The following PITPNM2 variants were observed in gnomAD, a reference collection of about 807,000 sequenced individuals.
PITPNM2 encodes the protein phosphatidylinositol transfer protein membrane associated 2.
A neutral mutation model predicts 132.2 loss-of-function variants in PITPNM2; 35 were observed. The ratio of observed to expected loss-of-function variants is 0.26; its 90% confidence interval spans 0.20 to 0.35. The LOEUF is 0.35. Ranked by LOEUF, PITPNM2 falls within the 10% of genes least tolerant of loss-of-function variation. The pLI is 1.00. For synonymous variants in PITPNM2, 738 were observed against 799.2 expected (o/e 0.92, Z 1.29); for missense variants, 1,332 against 1,912.0 (o/e 0.70, Z 5.66).
intron 1 of PITPNM2, among the ~76,000 whole-genome samples, chr12:123,143,449 G>A (rs1055132524): frequency 1.3e-5 from 2 of 152,160 alleles, no homozygotes; most frequent in African/African-American, 4.8e-5. Context: ...CTCTGCAGAG[G>A]AGAAACAGTA....
In PITPNM2 at chr12:123,037,062, C is replaced by T. The variant is rs150686157; in HGVS notation, c.-95-2377G>A. ...CCAGACTCAGCTCCGCCTAGGCCCA[C>T]ATGTCTATTCTCACACCTGGCTGGA... is the stretch of plus-strand genomic sequence containing the variant. On this transcript the variant is annotated intron_variant, in intron 2 of 25. Transcript: ENST00000320201. Among the ~76,000 whole-genome samples the T allele has an allele frequency of 4.7e-3, 717 of 152,352 alleles. 4 individuals carry two copies. Among genetic ancestry groups the T allele is most frequent in the South Asian group, 0.03 (147 of 4,830 alleles).
At chr12:122,990,070 T>C (rs1566230735) in intron 17 of PITPNM2, 122 bp from the exon 18 acceptor site, 1 of 824,632 alleles carries the variant, frequency 1.2e-6, no homozygotes, top group East Asian at 3.3e-5. Flanking sequence ...GCGAGCCCAT[T>C]GGCCCTCCTC....
chr12:122,985,622 G>C lies in PITPNM2; in HGVS notation c.*405C>G. 5.2e-6 allele frequency: 1 copy of C among 191,754 alleles called. No individual in the cohort carries two copies. Among genetic ancestry groups the C allele is most frequent in the Non-Finnish European group, 1.1e-5 (1 of 94,164 alleles). 11.9% of individuals were successfully genotyped at this position (191,754 alleles called of 1,614,324 possible). A position where few individuals can be genotyped will look rare whatever the true frequency, so the allele number is the denominator to read the frequency against. On this transcript the variant is annotated 3_prime_UTR_variant, in exon 26 of 26. Coordinates refer to ENST00000320201, the MANE Select transcript of PITPNM2 (RefSeq NM_020845.3). The stretch of plus-strand genomic sequence containing the variant: ...TTAACAAGATGCAGGCTGGACCCCT[G>C]TTGGAGCTGCTACCAAATGGGAGGG...
chr12:123,030,495 C>T (rs2040045733), intron 3 of PITPNM2, among the ~76,000 whole-genome samples: 3 of 152,126 alleles, frequency 2.0e-5, no homozygotes, highest in African/African-American at 7.2e-5. Context: ...AGCTCGAGAC[C>T]ATCCTGGCTA....
intron 5 of PITPNM2, among the ~76,000 whole-genome samples, chr12:123,011,943 G>A (rs911045806): frequency 6.6e-6 from 1 of 152,160 alleles, no homozygotes; most frequent in Non-Finnish European, 1.5e-5. Context: ...GTTGGGCCTG[G>A]AGCAGCTCCT....
In PITPNM2 at chr12:123,005,340, G is replaced by C. The variant is rs1194416406; in HGVS notation, c.852C>G (p.Pro284=). The C allele has an allele frequency of 6.2e-7, 1 of 1,614,114 alleles. No homozygotes were observed. Among genetic ancestry groups the C allele is most frequent in the Non-Finnish European group, 8.5e-7 (1 of 1,180,024 alleles). ...CCCCATTGCTGCTGCTGGGCTCCGG[G>C]GGCTCCCCAGAGGTCTGGTCCGAGA... ...EAVSDQTSGE[P]PEPSSSNGEP... Residue 284 remains proline, a synonymous_variant, in exon 7 of 26, where the codon CCC becomes CCG. Transcript: ENST00000320201. The surrounding 1 kb of genome is among the most constrained non-coding windows in gnomAD (Gnocchi z 6.2).
chr12:123,129,973 T>C (rs572459566), intron 1 of PITPNM2, among the ~76,000 whole-genome samples: 2 of 151,698 alleles, frequency 1.3e-5, no homozygotes, highest in South Asian at 2.1e-4. Context: ...GGTACGATCA[T>C]AGCTCACTGC....
rs925270419 is a variant in PITPNM2, at chr12:123,027,295, C to T, written c.78+7218G>A. ...AGGTGACCCTGTGCTATGTGTAGCT[C>T]TGAGTATCTGAGCACTGGAAGGCAG... On this transcript the variant is annotated intron_variant, in intron 3 of 25. Coordinates refer to ENST00000320201, the MANE Select transcript of PITPNM2 (RefSeq NM_020845.3). 2.6e-5 allele frequency among the ~76,000 whole-genome samples: 4 copies of T among 152,172 alleles called. No homozygotes were observed. In the South Asian group the frequency reaches 8.3e-4, roughly 32 times the overall value.
chr12:123,010,280 T>C (rs1433705998), intron 5 of PITPNM2, among the ~76,000 whole-genome samples: 2 of 152,148 alleles, frequency 1.3e-5, no homozygotes, highest in Non-Finnish European at 2.9e-5. Context: ...GGTGCATTCA[T>C]TCATTCAGAT....
intron 2 of PITPNM2, among the ~76,000 whole-genome samples, chr12:123,080,680 G>A (rs531955013): frequency 2.6e-5 from 4 of 152,312 alleles, no homozygotes; most frequent in African/African-American, 7.2e-5. Flanking sequence ...ACATGCATGT[G>A]CCAACCCCAC....
intron 2 of PITPNM2, among the ~76,000 whole-genome samples, chr12:123,035,719 G>A (rs928049936): frequency 1.3e-5 from 2 of 151,678 alleles, no homozygotes; most frequent in Non-Finnish European, 2.9e-5. Flanking sequence ...TCAGTTATCC[G>A]GAAAATGAAA....
At position 123,009,746 on chromosome 12, in the gene PITPNM2, G is replaced by T; in HGVS notation, c.643+104C>A. ...CTTCCCAGAACAAAACAGAAACGCAGACTCCCAGGCAGACATGCAAAGAGA... is the reference window on the plus strand; with the variant it reads ...CTTCCCAGAACAAAACAGAAACGCATACTCCCAGGCAGACATGCAAAGAGA... On this transcript the variant is annotated intron_variant, in intron 6 of 25. Coordinates refer to ENST00000320201, the MANE Select transcript of PITPNM2 (RefSeq NM_020845.3). This position sits in a 1 kb window ranked among gnomAD's most constrained non-coding sequence, Gnocchi z 4.8. 1 of 1,117,884 alleles carries T rather than the reference G, an allele frequency of 8.9e-7. No individual in the cohort carries two copies. Among genetic ancestry groups the T allele is most frequent in the Non-Finnish European group, 1.3e-6 (1 of 753,332 alleles). 69.2% of individuals were successfully genotyped at this position (1,117,884 alleles called of 1,614,324 possible).
At chr12:123,144,256 G>A (rs2043565755) in intron 1 of PITPNM2, among the ~76,000 whole-genome samples, 1 of 152,194 alleles carries the variant, frequency 6.6e-6, no homozygotes, top group African/African-American at 2.4e-5. Context: ...TGATTTTGCT[G>A]TTTGGAATGG....
At chr12:123,119,332 A>C (rs1340226667) in intron 1 of PITPNM2, among the ~76,000 whole-genome samples, 1 of 149,926 alleles carries the variant, frequency 6.7e-6, no homozygotes, top group East Asian at 1.9e-4. Flanking sequence ...GCTGTGCTCT[A>C]TCTAGAAGCA....
chr12:122,997,533 TCTTGGAGGGCGGTGCAGCCAGCGG>T lies in PITPNM2; in HGVS notation c.1240_1263del (p.Pro414_Lys421del). 6.2e-7 allele frequency: 1 copy of T among 1,612,924 alleles called. No individual in the cohort carries two copies. The highest frequency in any genetic ancestry group is 8.5e-7 in the Non-Finnish European group (1 of 1,179,650). The stretch of plus-strand genomic sequence containing the variant: ...TGCAGCACCAGTAGCAGCACGTGGA[TCTTGGAGGGCGGTGCAGCCAGCGG>T]CTGGCTAACCTCGTCCTGCATGGGT... On this transcript the variant is annotated inframe_deletion, in exon 11 of 26. Transcript: ENST00000320201.
chr12:123,044,076 GA>G (rs2040576545), intron 2 of PITPNM2, among the ~76,000 whole-genome samples: 1 of 152,214 alleles, frequency 6.6e-6, no homozygotes, highest in Non-Finnish European at 1.5e-5. Context: ...GAGTATGGCT[GA>G]AATAAGACTG....
intron 1 of PITPNM2, among the ~76,000 whole-genome samples, chr12:123,112,784 C>T (rs1228739359): frequency 1.3e-5 from 2 of 152,100 alleles, no homozygotes; most frequent in Admixed American, 6.5e-5. Context: ...GTGATCCGCC[C>T]ACCTCAGCCT....
At chr12:123,079,054 C>T (rs2041874550) in intron 2 of PITPNM2, among the ~76,000 whole-genome samples, 1 of 152,230 alleles carries the variant, frequency 6.6e-6, no homozygotes, top group East Asian at 1.9e-4. Context: ...CCCAGGCACT[C>T]AGACGTGGCA....
chr12:123,146,370 G>A (rs571840473), intron 1 of PITPNM2, among the ~76,000 whole-genome samples: 14 of 152,164 alleles, frequency 9.2e-5, no homozygotes, highest in South Asian at 8.3e-4. Flanking sequence ...CAAGGTGGGC[G>A]GATCACTGGA....
Sources: gnomAD v4.1 joint callset for allele counts (sites outside exome capture counted in the v4.1 genomes callset) on GRCh38, gnomAD v4.1.1 for gene constraint, Gnocchi (gnomAD v3.1) non-coding constraint, MANE v1.5 for transcripts, NCBI Gene and HGNC (gene_info 2026-07-23, HGNC 2026-07-21) for gene names.